Variants in SOX5 observed in about 807,000 individuals in gnomAD.
The protein encoded by SOX5 is transcription factor SOX-5.
A neutral mutation model predicts 92.0 loss-of-function variants in SOX5; 9 were observed. The ratio of observed to expected loss-of-function variants is 0.10; its 90% CI spans 0.06 to 0.17. The LOEUF (loss-of-function observed/expected upper bound fraction) is 0.17. Ranked by LOEUF, SOX5 falls within the 10% of genes least tolerant of loss-of-function variation. The pLI, the probability that SOX5 is intolerant of heterozygous loss-of-function variation, is 1.00. For synonymous variants in SOX5, 344 were observed against 336.3 expected (o/e 1.02, Z -0.25); for missense variants, 642 against 944.5 (o/e 0.68, Z 4.20).
At chr12:24,554,839 G>C (rs1036373175) in intron 1 of SOX5, among the ~76,000 whole-genome samples, 2 of 152,166 alleles carry the variant, frequency 1.3e-5, no homozygotes, top group African/African-American at 4.8e-5. Flanking sequence ...CAAAAAAATA[G>C]CAACAACTCA....
chr12:24,486,994 C>T lies in SOX5; in HGVS notation c.-251+75335G>A, dbSNP rs111907227. 6.8e-4 allele frequency among the ~76,000 whole-genome samples: 103 copies of T among 152,274 alleles called. 1 individual carries two copies. The highest frequency in any genetic ancestry group is 1.9e-3 in the African/African-American group (81 of 41,556). On this transcript the variant is annotated intron_variant, in intron 1 of 4. Transcript: ENST00000446891. ...ATTCCAGGCTGGTAGGGTCTTCAAA[C>T]GTGCTCATTCTACCAGCTCATGGGG...
chr12:23,610,679 T>C (rs2075843345), intron 8 of SOX5, among the ~76,000 whole-genome samples: 1 of 152,094 alleles, frequency 6.6e-6, no homozygotes, highest in South Asian at 2.1e-4. Flanking sequence ...AAAGGCTCAT[T>C]AGTAATATAG....
rs570873841 is a variant in SOX5, at chr12:23,575,979, G to A, written c.1165-141C>T. The A allele has an allele frequency of 1.3e-5, 8 of 593,740 alleles. No homozygotes were observed. The African/African-American group carries it at 1.5e-4, about 11-fold the overall frequency. 36.8% of individuals were successfully genotyped at this position (593,740 alleles called of 1,614,324 possible). A position where few individuals can be genotyped will look rare whatever the true frequency, so the allele number is the denominator to read the frequency against. ...CTTAACATTCATTCTGAACATTACAGCATTTGCTTAGCTGTCAACATAATG... is the reference window on the plus strand; with the variant it reads ...CTTAACATTCATTCTGAACATTACAACATTTGCTTAGCTGTCAACATAATG... On this transcript the variant is annotated intron_variant, in intron 9 of 14. Transcript: ENST00000451604.
At chr12:24,409,571 C>T (rs1228226992) in intron 1 of SOX5, among the ~76,000 whole-genome samples, 3 of 152,032 alleles carry the variant, frequency 2.0e-5, no homozygotes, top group Non-Finnish European at 4.4e-5. Flanking sequence ...TCCAGGAGTG[C>T]ATTGCTAGGT....
At chr12:24,274,731 T>C (rs1944233426) in intron 3 of SOX5, among the ~76,000 whole-genome samples, 1 of 151,730 alleles carries the variant, frequency 6.6e-6, no homozygotes, top group African/African-American at 2.4e-5. Context: ...TGCTATCAAA[T>C]TGTGATTTTT....
intron 6 of SOX5, among the ~76,000 whole-genome samples, chr12:23,673,387 ATGGT>A (rs1485023179): frequency 6.6e-6 from 1 of 152,134 alleles, no homozygotes; most frequent in Non-Finnish European, 1.5e-5. Context: ...ACAATACAGC[ATGGT>A]CATTTGAATG....
chr12:23,662,443 T>C (rs1344582088), intron 7 of SOX5, among the ~76,000 whole-genome samples: 2 of 152,184 alleles, frequency 1.3e-5, no homozygotes, highest in Admixed American at 6.6e-5. Flanking sequence ...TTTCTATCTG[T>C]CTAGTCAATT....
chr12:23,790,669 A>C (rs188280891), intron 3 of SOX5, among the ~76,000 whole-genome samples: 1 of 152,108 alleles, frequency 6.6e-6, no homozygotes, highest in African/African-American at 2.4e-5. Context: ...ATGTAAATTA[A>C]TCCAGAATCA....
At chr12:23,740,284 A>G (rs1037842333) in intron 5 of SOX5, among the ~76,000 whole-genome samples, 1 of 152,152 alleles carries the variant, frequency 6.6e-6, no homozygotes, top group Non-Finnish European at 1.5e-5. Flanking sequence ...CAATCTCCCT[A>G]TTACTAGGCT....
rs1157483661 is a variant in SOX5 at position 23,554,035 on chromosome 12, AG to A, written c.1489-7612del. 3.3e-5 allele frequency among the ~76,000 whole-genome samples: 5 copies of A among 151,956 alleles called. No individual in the cohort carries two copies. In the East Asian group the frequency reaches 9.6e-4, roughly 29 times the overall value. ...GTCTGACAATAGAAACAGGCACATCAGGGTTATAGTTCTCTTTTCAACTATC... is the reference window on the plus strand; with the variant it reads ...GTCTGACAATAGAAACAGGCACATCAGGTTATAGTTCTCTTTTCAACTATC... On this transcript the variant is annotated intron_variant, in intron 11 of 14. Coordinates refer to ENST00000451604, the MANE Select transcript of SOX5 (RefSeq NM_006940.6).
chr12:23,998,893 A>T (rs905425961), intron 4 of SOX5, among the ~76,000 whole-genome samples: 1 of 152,012 alleles, frequency 6.6e-6, no homozygotes, highest in African/African-American at 2.4e-5. Context: ...GAACAACATT[A>T]AATATATAAT....
At chr12:24,245,609 G>C (rs1938535538) in intron 3 of SOX5, among the ~76,000 whole-genome samples, 1 of 152,046 alleles carries the variant, frequency 6.6e-6, no homozygotes, top group Non-Finnish European at 1.5e-5. Context: ...TGCCAGCTTG[G>C]GGGTAGGGGA....
chr12:24,335,841 C>G (rs1176975638), intron 2 of SOX5, among the ~76,000 whole-genome samples: 2 of 151,324 alleles, frequency 1.3e-5, no homozygotes. Context: ...TAGGCACATT[C>G]TCTCATAGAT....
chr12:24,140,449 T>TAC (rs1950486442), intron 4 of SOX5, among the ~76,000 whole-genome samples: 3 of 152,212 alleles, frequency 2.0e-5, no homozygotes, highest in Admixed American at 1.3e-4. Context: ...TTATCATGTA[T>TAC]ACCATTATAA....
At chr12:23,988,853 T>C (rs1041321514) in intron 4 of SOX5, among the ~76,000 whole-genome samples, 1 of 152,182 alleles carries the variant, frequency 6.6e-6, no homozygotes, top group Non-Finnish European at 1.5e-5. Flanking sequence ...ACAAGTCTAG[T>C]TGGAGCAATA....
At chr12:23,771,223 T>C (rs915145381) in intron 3 of SOX5, among the ~76,000 whole-genome samples, 1 of 146,570 alleles carries the variant, frequency 6.8e-6, no homozygotes, top group Admixed American at 6.7e-5. Flanking sequence ...GAAAAACTAA[T>C]AACTCCACAT....
intron 3 of SOX5, among the ~76,000 whole-genome samples, chr12:23,757,177 C>A (rs1285870627): frequency 1.3e-5 from 2 of 151,838 alleles, no homozygotes; most frequent in African/African-American, 4.8e-5. Context: ...ACAACAACTT[C>A]ATAAATGCAC....
At chr12:23,804,691 C>T (rs1247815916) in intron 3 of SOX5, among the ~76,000 whole-genome samples, 1 of 151,670 alleles carries the variant, frequency 6.6e-6, no homozygotes, top group African/African-American at 2.4e-5. Flanking sequence ...AACTATTCAT[C>T]CCAACTCAAT....
At chr12:23,555,778 G>A (rs1277596782) in intron 11 of SOX5, among the ~76,000 whole-genome samples, 1 of 152,090 alleles carries the variant, frequency 6.6e-6, no homozygotes, top group African/African-American at 2.4e-5. Context: ...TACCACTGCT[G>A]GACGAAAACA....
Sources: gnomAD v4.1 joint callset for allele counts (sites outside exome capture counted in the v4.1 genomes callset) on GRCh38, gnomAD v4.1.1 for gene constraint, MANE v1.5 for transcripts, NCBI Gene and HGNC (gene_info 2026-07-23, HGNC 2026-07-21) for gene names.